Variants in MIB1 observed in about 807,000 individuals in gnomAD.
MIB1 encodes E3 ubiquitin-protein ligase MIB1.
MIB1 carries 278 observed loss-of-function variants against 124.5 expected under a neutral mutation model. The ratio of observed to expected loss-of-function variants is 2.23; its 90% CI spans 2.02 to 2.47. The LOEUF (loss-of-function observed/expected upper bound fraction) is 2.47, where lower values mean the gene tolerates loss of function less well. Among genes scored for constraint, MIB1 ranks in the 30% most tolerant of loss-of-function variants. The probability of loss-of-function intolerance (pLI) is 0.00; values close to 1 mark genes in which losing one functional copy is unlikely to be tolerated. For missense variants in MIB1, 957 were observed against 1,254.4 expected (o/e 0.76, Z 3.58); for synonymous variants, 446 against 429.4 (o/e 1.04, Z -0.48).
At chr18:21,858,765 C>A (rs996332092) in intron 20 of MIB1, 119 bp downstream of exon 20, 1 of 576,610 alleles carries the variant, frequency 1.7e-6, no homozygotes, top group Non-Finnish European at 3.2e-6. Context: ...GTATTATTTG[C>A]ATATTTGCAA....
rs770024724 is a variant in MIB1 at position 21,819,662 on chromosome 18, C to T, written c.1829+16C>T. 2 of 1,472,094 alleles carry T rather than the reference C, an allele frequency of 1.4e-6. No individual in the cohort carries two copies. The highest frequency in any genetic ancestry group is 1.8e-6 in the Non-Finnish European group (2 of 1,102,526). The allele number at this position is 1,472,094 out of a possible 1,614,324, so 91.2% of individuals were successfully genotyped here. A position where few individuals can be genotyped will look rare whatever the true frequency, so the allele number is the denominator to read the frequency against. ...GAAATCCCAGGTATGTCACCCCTTACTATTTTAGGTGCAATTCAAAAATAT... is the reference window on the plus strand; with the variant it reads ...GAAATCCCAGGTATGTCACCCCTTATTATTTTAGGTGCAATTCAAAAATAT... On this transcript the variant is annotated intron_variant, in intron 12 of 20. Transcript: ENST00000261537.
At chr18:21,770,479 CT>C (rs2041212334) in intron 3 of MIB1, among the ~76,000 whole-genome samples, 2 of 152,060 alleles carry the variant, frequency 1.3e-5, no homozygotes, top group South Asian at 4.1e-4. Flanking sequence ...TGTATTCTTC[CT>C]TTTTGTTTTT....
At chr18:21,756,846 A>T (rs2041038177) in intron 1 of MIB1, among the ~76,000 whole-genome samples, 2 of 152,182 alleles carry the variant, frequency 1.3e-5, no homozygotes, top group Non-Finnish European at 2.9e-5. Context: ...ATATAAACAA[A>T]TCCATTATTA....
intron 6 of MIB1, among the ~76,000 whole-genome samples, chr18:21,784,737 C>T (rs1447288480): frequency 6.6e-6 from 1 of 152,114 alleles, no homozygotes; most frequent in African/African-American, 2.4e-5. Context: ...CCAGACAGGG[C>T]CACTAGAGGG....
chr18:21,845,726 C>T lies in MIB1; in HGVS notation c.2212-1218C>T, dbSNP rs538586880. 7.3e-5 allele frequency among the ~76,000 whole-genome samples: 11 copies of T among 151,296 alleles called. No homozygotes were observed. In the South Asian group the frequency reaches 2.1e-3, roughly 29 times the overall value. On this transcript the variant is annotated intron_variant, in intron 15 of 20. Coordinates refer to ENST00000261537, the MANE Select transcript of MIB1 (RefSeq NM_020774.4). ...GCAACCTCTGCCTCCTGGGGTCACG[C>T]GATTCTCCTGCCTCAGCCTCCCAAG...
intron 15 of MIB1, among the ~76,000 whole-genome samples, chr18:21,845,150 A>G (rs879650653): frequency 2.0e-5 from 3 of 151,950 alleles, no homozygotes; most frequent in Middle Eastern, 3.4e-3. Flanking sequence ...AGCTGGGACT[A>G]CAGGTGCATG....
upstream of MIB1, among the ~76,000 whole-genome samples, chr18:21,739,827 A>G (rs1345075982): frequency 6.6e-6 from 1 of 151,704 alleles, no homozygotes; most frequent in East Asian, 1.9e-4. Context: ...AGGTGGGCGG[A>G]CCCCTTGAAC....
At chr18:21,763,072 G>GT (rs796211842) in intron 1 of MIB1, among the ~76,000 whole-genome samples, 284 of 143,276 alleles carry the variant, frequency 2.0e-3, no homozygotes, top group African/African-American at 4.3e-3. Context: ...ATTTTTTTCT[G>GT]TTTTTTTTTT....
intron 17 of MIB1, among the ~76,000 whole-genome samples, chr18:21,850,849 A>G (rs1242299700): frequency 6.6e-6 from 1 of 152,184 alleles, no homozygotes; most frequent in African/African-American, 2.4e-5. Flanking sequence ...AAGAAGAACA[A>G]AAATTTAAGC....
chr18:21,839,437 G>A (rs534814569), intron 13 of MIB1, among the ~76,000 whole-genome samples: 92 of 152,270 alleles, frequency 6.0e-4, no homozygotes, highest in Non-Finnish European at 1.1e-3. Flanking sequence ...AAATCAGGTA[G>A]ATTAAATCCT....
intron 3 of MIB1, among the ~76,000 whole-genome samples, chr18:21,770,850 A>G (rs189899686): frequency 2.0e-5 from 3 of 152,210 alleles, no homozygotes; most frequent in Non-Finnish European, 2.9e-5. Context: ...TTTGTTGAAG[A>G]AACCAGATTC....
intron 1 of MIB1, among the ~76,000 whole-genome samples, chr18:21,751,629 C>CTA (rs1462768224): frequency 2.0e-5 from 3 of 152,192 alleles, no homozygotes; most frequent in Admixed American, 2.0e-4. Flanking sequence ...GCTGCTTATA[C>CTA]TATATCTCAT....
intron 1 of MIB1, among the ~76,000 whole-genome samples, chr18:21,709,499 C>T (rs2040656439): frequency 6.6e-6 from 1 of 152,180 alleles, no homozygotes; most frequent in Admixed American, 6.6e-5. Flanking sequence ...CCCCTCACTA[C>T]AATGGATTAT....
chr18:21,849,225 T>A lies in MIB1; in HGVS notation c.2423T>A (p.Met808Lys). Residue 808 changes from methionine (M) to lysine (K), a missense_variant, in exon 17 of 21, where the codon ATG (methionine) becomes AAG (lysine). Physicochemically the swap from Met to Lys is moderately conservative, Grantham distance 95. Transcript: ENST00000261537. ...SGQVGSRSPSMISNDSETLEE... is the reference protein window; with the variant it reads ...SGQVGSRSPSKISNDSETLEE... The stretch of plus-strand genomic sequence containing the variant: ...CAAGTGGGTTCTCGGAGTCCTTCTA[T>A]GATTAGTAATGATTCTGAAACCTTA... The A allele has an allele frequency of 6.3e-7, 1 of 1,592,348 alleles. No individual in the cohort carries two copies. Among genetic ancestry groups the A allele is most frequent in the Non-Finnish European group, 8.5e-7 (1 of 1,170,798 alleles).
chr18:21,738,858 A>C (rs2040809346), upstream of MIB1, among the ~76,000 whole-genome samples: 2 of 143,406 alleles, frequency 1.4e-5, no homozygotes, highest in Non-Finnish European at 3.1e-5. Context: ...AAAAAAAAAA[A>C]AAAAAAAAAC....
At position 21,817,691 on chromosome 18, in the gene MIB1, G is replaced by A. The variant is rs113119319; in HGVS notation, c.1678-1804G>A. The A allele has an allele frequency of 2.7e-3, 1,194 of 446,992 alleles. 8 individuals carry two copies. Among genetic ancestry groups the A allele is most frequent in the Non-Finnish European group, 2.7e-3 (607 of 222,888 alleles). 27.7% of individuals were successfully genotyped at this position (446,992 alleles called of 1,614,324 possible). On this transcript the variant is annotated intron_variant, in intron 11 of 20. Coordinates refer to ENST00000261537, the MANE Select transcript of MIB1 (RefSeq NM_020774.4). ...TCCACATGGCTTAGGGGAGCATAGG[G>A]CTCTGCCCCATGATGTACAGTCCCT... is the stretch of plus-strand genomic sequence containing the variant.
At chr18:21,781,276 T>C (rs1481026072) in intron 6 of MIB1, among the ~76,000 whole-genome samples, 1 of 149,488 alleles carries the variant, frequency 6.7e-6, no homozygotes, top group Non-Finnish European at 1.5e-5. Context: ...GAATCTGGCA[T>C]TGAAACCATC....
intron 13 of MIB1, among the ~76,000 whole-genome samples, chr18:21,840,436 C>T (rs981230055): frequency 6.6e-6 from 1 of 151,862 alleles, no homozygotes; most frequent in South Asian, 2.1e-4. Flanking sequence ...AAAACCTTAA[C>T]TTTACTTCAC....
intron 6 of MIB1, among the ~76,000 whole-genome samples, chr18:21,789,468 A>C (rs1254398597): frequency 6.6e-6 from 1 of 152,072 alleles, no homozygotes; most frequent in Non-Finnish European, 1.5e-5. Context: ...CATATTTTGG[A>C]AGGGGGCATA....
Sources: gnomAD v4.1 joint callset for allele counts (sites outside exome capture counted in the v4.1 genomes callset) on GRCh38, gnomAD v4.1.1 for gene constraint, MANE v1.5 for transcripts, NCBI Gene and HGNC (gene_info 2026-07-23, HGNC 2026-07-21) for gene names.